VAC14: variants seen among roughly 807,000 people sequenced by gnomAD.
VAC14 encodes the protein VAC14 component of PIKFYVE complex, also known as protein VAC14 homolog.
VAC14 carries 47 observed loss-of-function variants against 85.3 expected under a neutral mutation model. The observed-to-expected ratio is 0.55, with a 90% CI of 0.44 to 0.70. VAC14 has a LOEUF of 0.70. Among genes scored for constraint, VAC14 ranks in the 30% least tolerant of loss-of-function variants. VAC14 has a pLI of 0.00. For missense variants in VAC14, 861 were observed against 1,004.3 expected (o/e 0.86, Z 1.93); for synonymous variants, 447 against 430.5 (o/e 1.04, Z -0.47).
At chr16:70,789,551 G>GC in intron 1 of VAC14, among the ~76,000 whole-genome samples, 1 of 152,320 alleles carries the variant, frequency 6.6e-6, no homozygotes, top group East Asian at 1.9e-4. Context: ...CACGCGGGAG[G>GC]CCCGGGTTCG....
At chr16:70,723,737 G>T (rs900227705) in intron 14 of VAC14, among the ~76,000 whole-genome samples, 3 of 152,112 alleles carry the variant, frequency 2.0e-5, no homozygotes, top group African/African-American at 7.2e-5. Context: ...GGGGCTGGGG[G>T]AGGTGATGCT....
intron 18 of VAC14, 51 bp from the exon 19 acceptor site, chr16:70,688,141 G>A (rs1238398479): frequency 1.4e-6 from 2 of 1,448,096 alleles, no homozygotes; most frequent in South Asian, 1.5e-5. Context: ...CTCACAGGGG[G>A]GTTACTGCTG....
intron 13 of VAC14, 106 bp from the exon 14 acceptor site, chr16:70,731,733 G>T (rs2054597743): frequency 1.6e-6 from 2 of 1,243,274 alleles, no homozygotes; most frequent in African/African-American, 1.5e-5. Flanking sequence ...AGATGTGTGT[G>T]GGGGGTGTTA....
At chr16:70,725,947 C>CA (rs1185118343) in intron 14 of VAC14, among the ~76,000 whole-genome samples, 3 of 152,238 alleles carry the variant, frequency 2.0e-5, no homozygotes, top group African/African-American at 7.2e-5. Context: ...TGCAAGGCGG[C>CA]AGGGAGGAAG....
intron 12 of VAC14, among the ~76,000 whole-genome samples, chr16:70,750,824 C>T (rs1387548228): frequency 1.3e-5 from 2 of 152,022 alleles, no homozygotes; most frequent in African/African-American, 4.8e-5. Context: ...CCTAGGAGAC[C>T]TCGGTGTGGA....
intron 1 of VAC14, among the ~76,000 whole-genome samples, chr16:70,786,987 T>C (rs1598014153): frequency 6.6e-6 from 1 of 152,044 alleles, no homozygotes; most frequent in Non-Finnish European, 1.5e-5. Context: ...ACCTCGGGCA[T>C]AGGGAAGAGC....
intron 13 of VAC14, among the ~76,000 whole-genome samples, chr16:70,732,223 G>C (rs961991219): frequency 6.6e-5 from 10 of 152,178 alleles, no homozygotes; most frequent in Non-Finnish European, 1.3e-4. Flanking sequence ...AGCAGACACC[G>C]ACAAATGTTA....
intron 9 of VAC14, among the ~76,000 whole-genome samples, chr16:70,776,676 T>C (rs906889322): frequency 6.6e-6 from 1 of 152,194 alleles, no homozygotes; most frequent in African/African-American, 2.4e-5. Context: ...GGGATCCTTG[T>C]ACCTCAGCAA....
chr16:70,697,914 G>T (rs1025255561), intron 15 of VAC14, among the ~76,000 whole-genome samples: 1 of 152,146 alleles, frequency 6.6e-6, no homozygotes, highest in Non-Finnish European at 1.5e-5. Context: ...GCCGGCAGGG[G>T]ACCTGGGAAA....
At chr16:70,698,963 G>C in intron 14 of VAC14, 152 bp from the exon 15 acceptor site, 1 of 638,314 alleles carries the variant, frequency 1.6e-6, no homozygotes, top group Non-Finnish European at 2.6e-6. Flanking sequence ...GCCTGTGGTT[G>C]TGGGAGGGCG....
Position 70,724,227 on chromosome 16 carries a change from T to C in VAC14, c.1661+7268A>G, listed in dbSNP as rs79462952. Among the ~76,000 whole-genome samples, 567 of 152,286 alleles carry C rather than the reference T, an allele frequency of 3.7e-3. 2 individuals carry two copies. The highest frequency in any genetic ancestry group is 0.015 in the South Asian group (71 of 4,826). On this transcript the variant is annotated intron_variant, in intron 14 of 18. Coordinates refer to ENST00000261776, the MANE Select transcript of VAC14 (RefSeq NM_018052.5). ...AAGGCCTGCCACATGTGGTATCCAT[T>C]TTGCAGGAGAAAAGCCATCCCTTGT...
rs1365529051 is a variant in VAC14 at position 70,731,381 on chromosome 16, A to T, written c.1661+114T>A. 4.6e-6 allele frequency: 7 copies of T among 1,514,672 alleles called. No individual in the cohort carries two copies. The African/African-American group carries it at 9.8e-5, about 21-fold the overall frequency. The allele number at this position is 1,514,672 out of a possible 1,614,324, so 93.8% of individuals were successfully genotyped here. A position where few individuals can be genotyped will look rare whatever the true frequency, so the allele number is the denominator to read the frequency against. ...ATTTCTTACAGATCCAAAGGTCAGG[A>T]AAAGGAGGAGAGAGAAGGGAAAGAG... On this transcript the variant is annotated intron_variant, in intron 14 of 18. Coordinates refer to ENST00000261776, the MANE Select transcript of VAC14 (RefSeq NM_018052.5).
chr16:70,752,729 G>A (rs936305), intron 12 of VAC14, among the ~76,000 whole-genome samples: 36,560 of 152,254 alleles, frequency 0.24, 5,731 homozygotes, highest in Non-Finnish European at 0.34. Flanking sequence ...CATAGGCCTC[G>A]CTTCCAATCT....
intron 9 of VAC14, chr16:70,778,972 T>C (rs2033664795): frequency 6.6e-6 from 1 of 152,240 alleles, no homozygotes; most frequent in East Asian, 1.9e-4. Context: ...CACTAGCTTA[T>C]CCCTCCAAGT....
chr16:70,694,255 A>T (rs934231768), intron 17 of VAC14, among the ~76,000 whole-genome samples: 16 of 152,208 alleles, frequency 1.1e-4, no homozygotes, highest in Non-Finnish European at 2.9e-5. Flanking sequence ...AATGCCAAGA[A>T]TGTACAACTG....
chr16:70,739,592 C>G (rs969257162), intron 13 of VAC14, among the ~76,000 whole-genome samples: 3 of 152,064 alleles, frequency 2.0e-5, no homozygotes, highest in Non-Finnish European at 4.4e-5. Context: ...AGGCTCCTGG[C>G]CCAAACAAGT....
At chr16:70,772,484 A>C (rs2033290781) in intron 9 of VAC14, 1 of 290,946 alleles carries the variant, frequency 3.4e-6, no homozygotes, top group Admixed American at 4.8e-5. Flanking sequence ...GATAATACCC[A>C]GCATCCTTAG....
intron 1 of VAC14, among the ~76,000 whole-genome samples, chr16:70,791,363 T>G (rs114921621): frequency 0.04 from 6,035 of 152,290 alleles, 381 homozygotes; most frequent in African/African-American, 0.13. Flanking sequence ...TAATTCCTTC[T>G]CATGCGTGAT....
chr16:70,727,809 G>A (rs906913603), intron 14 of VAC14, among the ~76,000 whole-genome samples: 1 of 152,254 alleles, frequency 6.6e-6, no homozygotes, highest in Non-Finnish European at 1.5e-5. Context: ...CCTTTTCCAT[G>A]TCAGATGCTG....
Sources: gnomAD v4.1 joint callset for allele counts (sites outside exome capture counted in the v4.1 genomes callset) on GRCh38, gnomAD v4.1.1 for gene constraint, MANE v1.5 for transcripts, NCBI Gene and HGNC (gene_info 2026-07-23, HGNC 2026-07-21) for gene names.